The following DNAH9 variants were observed in gnomAD, a reference collection of about 807,000 sequenced individuals.
DNAH9 encodes the protein DNAH9 variant protein.
In DNAH9, 345 loss-of-function variants were observed where a neutral mutation model predicts 471.6. That is an observed-to-expected ratio of 0.73 (90% CI 0.67 to 0.80). DNAH9 has a LOEUF of 0.80. DNAH9 is among the 30% of genes least tolerant of loss of function. The pLI is 0.00. For synonymous variants in DNAH9, 2,093 were observed against 2,123.6 expected (o/e 0.99, Z 0.40); for missense variants, 5,407 against 5,609.2 (o/e 0.96, Z 1.15).
chr17:11,965,706 G>A (rs80112791), intron 68 of DNAH9, among the ~76,000 whole-genome samples: 1,638 of 152,176 alleles, frequency 0.011, 33 homozygotes, highest in African/African-American at 0.038. Flanking sequence ...AAGAAACCAT[G>A]TCTAAATAAC....
At chr17:11,669,906 A>G in intron 17 of DNAH9, 112 bp downstream of exon 17, 1 of 931,372 alleles carries the variant, frequency 1.1e-6, no homozygotes, top group Non-Finnish European at 1.6e-6. Flanking sequence ...ATTAAAGATT[A>G]AGACAGCTGG....
intron 15 of DNAH9, 77 bp downstream of exon 15, chr17:11,665,045 C>T: frequency 1.5e-6 from 2 of 1,311,554 alleles, no homozygotes; most frequent in Middle Eastern, 1.9e-4. Context: ...TATTGAAGAG[C>T]AGCTGAGTGC....
At chr17:11,843,074 A>T (rs1258420451) in intron 49 of DNAH9, among the ~76,000 whole-genome samples, 5 of 152,214 alleles carry the variant, frequency 3.3e-5, no homozygotes, top group Admixed American at 3.3e-4. Context: ...TCCAGGAGCA[A>T]AACATTCCAT....
At chr17:11,757,784 C>T in intron 35 of DNAH9, 92 bp downstream of exon 35, 1 of 1,382,366 alleles carries the variant, frequency 7.2e-7, no homozygotes, top group African/African-American at 1.4e-5. Context: ...TCTGTCCTGT[C>T]CCAAAGTCAG....
intron 19 of DNAH9, among the ~76,000 whole-genome samples, chr17:11,687,916 A>T (rs1323340652): frequency 6.6e-6 from 1 of 151,654 alleles, no homozygotes; most frequent in African/African-American, 2.4e-5. Flanking sequence ...CAGGTGGATC[A>T]TGAGGTCAGG....
In DNAH9 at chr17:11,670,503, C is replaced by T. The variant is rs2073956236; in HGVS notation, c.3353+709C>T. ...TTGCCCTTTGGAGTGCTGGATGAGA[C>T]TGCAGGGAGGCCAACCTGACCCCCT... On this transcript the variant is annotated intron_variant, in intron 17 of 68. Transcript: ENST00000262442. Among the ~76,000 whole-genome samples, 3 of 152,308 alleles carry T rather than the reference C, an allele frequency of 2.0e-5. No individual in the cohort carries two copies. The South Asian group carries it at 6.2e-4, about 32-fold the overall frequency.
At chr17:11,795,146 C>T (rs1410612779) in intron 42 of DNAH9, among the ~76,000 whole-genome samples, 1 of 152,018 alleles carries the variant, frequency 6.6e-6, no homozygotes, top group Non-Finnish European at 1.5e-5. Flanking sequence ...CATATCATTC[C>T]CCAAATGTAT....
At chr17:11,632,562 T>TTA (rs767143847) in intron 7 of DNAH9, 25 bp from the exon 8 acceptor site, 57 of 1,194,030 alleles carry the variant, frequency 4.8e-5, no homozygotes, top group Non-Finnish European at 6.0e-5. Context: ...TACGTTTTCC[T>TTA]TATATATATA....
chr17:11,617,570 C>A lies in DNAH9; in HGVS notation c.1064C>A (p.Pro355Gln), dbSNP rs373491778. Residue 355 changes from proline (P) to glutamine (Q), a missense_variant, in exon 5 of 69, where the codon CCG becomes CAG. Pro to Gln is a moderately conservative substitution (Grantham distance 76). Coordinates refer to ENST00000262442, the MANE Select transcript of DNAH9 (RefSeq NM_001372.4). ...GCCACATGCAAGTCCTACCGCTCCCCGGGAAGGCTGACTGTGCTGCTCCAG... is the reference window on the plus strand; with the variant it reads ...GCCACATGCAAGTCCTACCGCTCCCAGGGAAGGCTGACTGTGCTGCTCCAG... The part of the protein sequence containing the change: ...IWATCKSYRS[P>Q]GRLTVLLQEI... 14 of 1,614,004 alleles carry A rather than the reference C, an allele frequency of 8.7e-6. No homozygotes were observed. Among genetic ancestry groups the A allele is most frequent in the Non-Finnish European group, 8.5e-7 (1 of 1,180,034 alleles).
chr17:11,774,324 T>C (rs1243123773), intron 38 of DNAH9, among the ~76,000 whole-genome samples: 2 of 151,792 alleles, frequency 1.3e-5, no homozygotes, highest in East Asian at 3.9e-4. Context: ...AAATTTGCCA[T>C]ACTATACCTT....
At chr17:11,813,169 A>G (rs1597683555) in intron 45 of DNAH9, among the ~76,000 whole-genome samples, 1 of 152,188 alleles carries the variant, frequency 6.6e-6, no homozygotes, top group East Asian at 1.9e-4. Flanking sequence ...CCCAGTGAAA[A>G]TGCAATCAGC....
intron 6 of DNAH9, among the ~76,000 whole-genome samples, chr17:11,627,737 C>A (rs1194568837): frequency 6.6e-6 from 1 of 152,202 alleles, no homozygotes; most frequent in Non-Finnish European, 1.5e-5. Context: ...TCCCCTCCCA[C>A]TTCAGCTGCT....
At chr17:11,843,863 G>GTGTATATATATATA (rs1253794533) in intron 49 of DNAH9, among the ~76,000 whole-genome samples, 10 of 46,468 alleles carry the variant, frequency 2.2e-4, no homozygotes, top group African/African-American at 8.1e-4. Flanking sequence ...GTGTGTGTGT[G>GTGTATATATATATA]TATATATATA....
At chr17:11,934,496 A>C (rs1974634448) in intron 65 of DNAH9, among the ~76,000 whole-genome samples, 1 of 121,506 alleles carries the variant, frequency 8.2e-6, no homozygotes, top group Admixed American at 1.1e-4. Flanking sequence ...CCCAGGCTGG[A>C]GTGCAGTGGC....
chr17:11,649,144 A>G (rs918490450), intron 12 of DNAH9, among the ~76,000 whole-genome samples: 8 of 151,694 alleles, frequency 5.3e-5, no homozygotes, highest in African/African-American at 1.9e-4. Context: ...AAAAAAAAAG[A>G]ATGAACAGTA....
rs564651106 is a variant in DNAH9, at chr17:11,695,078, C to T, written c.4872+631C>T. Among the ~76,000 whole-genome samples, 6 of 150,888 alleles carry T rather than the reference C, an allele frequency of 4.0e-5. No homozygotes were observed. The South Asian group carries it at 1.1e-3, about 26-fold the overall frequency. ...GATTTTTTTTGTATTTTAGTAGAGACGGGGTTTCACCATGTTGGCCAGGGT... is the reference window on the plus strand; with the variant it reads ...GATTTTTTTTGTATTTTAGTAGAGATGGGGTTTCACCATGTTGGCCAGGGT... On this transcript the variant is annotated intron_variant, in intron 22 of 68. Transcript: ENST00000262442.
At chr17:11,782,443 T>A (rs889759380) in intron 39 of DNAH9, among the ~76,000 whole-genome samples, 2 of 152,178 alleles carry the variant, frequency 1.3e-5, no homozygotes, top group African/African-American at 4.8e-5. Flanking sequence ...CATTTCTTGC[T>A]TCCACATCTA....
intron 17 of DNAH9, among the ~76,000 whole-genome samples, chr17:11,678,553 C>T (rs1320883559): frequency 1.3e-5 from 2 of 152,178 alleles, no homozygotes; most frequent in Admixed American, 6.5e-5. Flanking sequence ...TGTGTCCTGG[C>T]TTCCATTTGT....
chr17:11,887,718 G>A (rs571560598), intron 57 of DNAH9, among the ~76,000 whole-genome samples: 2 of 147,280 alleles, frequency 1.4e-5, no homozygotes, highest in South Asian at 2.2e-4. Context: ...GACACATGGA[G>A]ATTTCACATA....
Sources: gnomAD v4.1 joint callset for allele counts (sites outside exome capture counted in the v4.1 genomes callset) on GRCh38, gnomAD v4.1.1 for gene constraint, MANE v1.5 for transcripts, NCBI Gene and HGNC (gene_info 2026-07-23, HGNC 2026-07-21) for gene names.